Variants in DOK6 observed in about 807,000 individuals in gnomAD.
DOK6 encodes downstream of tyrosine kinase 6.
In DOK6, 22 loss-of-function variants were observed where a neutral mutation model predicts 44.0. That is an observed-to-expected ratio of 0.50 (90% confidence interval 0.36 to 0.71). DOK6 has a LOEUF of 0.71. Among genes scored for constraint, DOK6 ranks in the 30% least tolerant of loss-of-function variants. The pLI is 0.00. For synonymous variants in DOK6, 166 were observed against 145.5 expected (o/e 1.14, Z -1.01); for missense variants, 340 against 416.4 (o/e 0.82, Z 1.60).
intron 2 of DOK6, among the ~76,000 whole-genome samples, chr18:69,579,550 G>C (rs1407385589): frequency 6.7e-6 from 1 of 148,918 alleles, no homozygotes; most frequent in Non-Finnish European, 1.5e-5. Flanking sequence ...TCCGAAGGTG[G>C]GCCAAAAGAA....
chr18:69,493,215 A>G (rs146180213), intron 1 of DOK6, among the ~76,000 whole-genome samples: 5 of 152,300 alleles, frequency 3.3e-5, no homozygotes, highest in Non-Finnish European at 7.3e-5. Context: ...ATTTTAAAAG[A>G]CATTACCTTA....
chr18:69,784,122 C>G (rs1457339359), intron 7 of DOK6, among the ~76,000 whole-genome samples: 2 of 152,000 alleles, frequency 1.3e-5, no homozygotes, highest in African/African-American at 4.8e-5. Context: ...CCAGTAGAGG[C>G]CACAGTGAAT....
intron 7 of DOK6, among the ~76,000 whole-genome samples, chr18:69,770,102 C>T (rs1243353516): frequency 2.6e-5 from 4 of 152,046 alleles, no homozygotes; most frequent in Non-Finnish European, 4.4e-5. Flanking sequence ...TTAGGAGTGG[C>T]GTTTTTATAA....
intron 3 of DOK6, among the ~76,000 whole-genome samples, chr18:69,642,346 T>C (rs936610389): frequency 3.2e-4 from 49 of 152,158 alleles, no homozygotes; most frequent in Middle Eastern, 3.2e-3. Context: ...TTTATTTTAT[T>C]TTATTTTTTG....
At chr18:69,557,192 AC>A (rs1311874187) in intron 1 of DOK6, among the ~76,000 whole-genome samples, 1 of 151,998 alleles carries the variant, frequency 6.6e-6, no homozygotes, top group African/African-American at 2.4e-5. Flanking sequence ...ACTTTCTAAC[AC>A]CCCCTTTAGA....
intron 5 of DOK6, among the ~76,000 whole-genome samples, chr18:69,709,040 C>T (rs1300926201): frequency 1.3e-5 from 2 of 152,132 alleles, no homozygotes; most frequent in African/African-American, 4.8e-5. Context: ...AGTGTGAACT[C>T]ACAGTGGGGC....
chr18:69,703,075 A>T (rs982099266), intron 5 of DOK6, among the ~76,000 whole-genome samples: 1 of 151,900 alleles, frequency 6.6e-6, no homozygotes, highest in African/African-American at 2.4e-5. Context: ...CAGACCTGGT[A>T]TTATCATAGC....
intron 3 of DOK6, among the ~76,000 whole-genome samples, chr18:69,631,590 T>C (rs1316404772): frequency 6.6e-6 from 1 of 152,224 alleles, no homozygotes; most frequent in Non-Finnish European, 1.5e-5. Context: ...TCATCATTAC[T>C]GGGTGAAAAA....
intron 7 of DOK6, among the ~76,000 whole-genome samples, chr18:69,788,273 C>T (rs1980492636): frequency 1.3e-5 from 2 of 152,174 alleles, no homozygotes; most frequent in South Asian, 2.1e-4. Context: ...AGAACTGGCA[C>T]GTTACTAGTT....
intron 5 of DOK6, among the ~76,000 whole-genome samples, chr18:69,727,000 G>A (rs1425591102): frequency 6.6e-6 from 1 of 152,082 alleles, no homozygotes; most frequent in Non-Finnish European, 1.5e-5. Flanking sequence ...GGCTACAGGT[G>A]GATGCTGCCA....
chr18:69,626,867 A>G (rs576145218), intron 3 of DOK6, among the ~76,000 whole-genome samples: 3 of 152,234 alleles, frequency 2.0e-5, no homozygotes, highest in African/African-American at 7.2e-5. Flanking sequence ...TCAAAGAGGC[A>G]GTTATAGTTA....
intron 1 of DOK6, among the ~76,000 whole-genome samples, chr18:69,416,136 G>GGGAC (rs1978334863): frequency 6.8e-6 from 1 of 146,070 alleles, no homozygotes; most frequent in African/African-American, 2.5e-5. Context: ...GAGGAAGGGA[G>GGGAC]GGAGGGACGG....
intron 5 of DOK6, among the ~76,000 whole-genome samples, chr18:69,723,227 A>C (rs1012231985): frequency 7.2e-5 from 11 of 152,348 alleles, no homozygotes; most frequent in Middle Eastern, 3.4e-3. Flanking sequence ...CCTGAGAACA[A>C]GAATGAATTC....
chr18:69,543,596 G>C (rs1982325539), intron 1 of DOK6, among the ~76,000 whole-genome samples: 1 of 151,208 alleles, frequency 6.6e-6, no homozygotes, highest in Non-Finnish European at 1.5e-5. Flanking sequence ...TTAATATCTT[G>C]CTTAAGGCTC....
rs1342431050 is a variant in DOK6 at position 69,565,503 on chromosome 18, GTGTGTGTGTGTGTGTGTGTATATATA to G, written c.174+911_174+936del. The stretch of plus-strand genomic sequence containing the variant: ...TGTGTGTGTGTGTGTGTGTGTGTGT[GTGTGTGTGTGTGTGTGTGTATATATA>G]TATACATAATTTTAAAAATATTTTA... On this transcript the variant is annotated intron_variant, in intron 2 of 7. Transcript: ENST00000382713. 0.014 allele frequency among the ~76,000 whole-genome samples: 347 copies of G among 24,334 alleles called. 1 individual carries two copies. The East Asian group carries it at 0.19, about 13-fold the overall frequency. 16.0% of individuals were successfully genotyped at this position (24,334 alleles called of 152,430 possible). A position where few individuals can be genotyped will look rare whatever the true frequency, so the allele number is the denominator to read the frequency against.
At chr18:69,478,509 A>G (rs1980329841) in intron 1 of DOK6, among the ~76,000 whole-genome samples, 1 of 152,146 alleles carries the variant, frequency 6.6e-6, no homozygotes, top group South Asian at 2.1e-4. Context: ...GGGAAAAAAT[A>G]GTTAATGTTC....
intron 1 of DOK6, among the ~76,000 whole-genome samples, chr18:69,428,054 A>G (rs2076364359): frequency 6.6e-6 from 1 of 152,206 alleles, no homozygotes; most frequent in African/African-American, 2.4e-5. Context: ...TTGGGATTAC[A>G]GGCGTGAGCC....
chr18:69,456,377 A>T (rs1350293241), intron 1 of DOK6, among the ~76,000 whole-genome samples: 1 of 152,008 alleles, frequency 6.6e-6, no homozygotes, highest in Non-Finnish European at 1.5e-5. Flanking sequence ...TTTAGCTCCT[A>T]CTTATAAGTG....
chr18:69,674,258 A>G (rs751095585), intron 3 of DOK6, among the ~76,000 whole-genome samples: 1 of 152,258 alleles, frequency 6.6e-6, no homozygotes, highest in Non-Finnish European at 1.5e-5. Flanking sequence ...AAAGTCAAAG[A>G]AATTCAGCTT....
Sources: gnomAD v4.1 joint callset for allele counts (sites outside exome capture counted in the v4.1 genomes callset) on GRCh38, gnomAD v4.1.1 for gene constraint, MANE v1.5 for transcripts, NCBI Gene and HGNC (gene_info 2026-07-23, HGNC 2026-07-21) for gene names.